The following MAP2K5 variants were observed in gnomAD, a reference collection of about 807,000 sequenced individuals.
The protein encoded by MAP2K5 is mitogen-activated protein kinase kinase 5.
A neutral mutation model predicts 83.1 loss-of-function variants in MAP2K5; 49 were observed. That is an observed-to-expected ratio of 0.59 (90% CI 0.47 to 0.75). The LOEUF (loss-of-function observed/expected upper bound fraction) is 0.75, where lower values mean the gene tolerates loss of function less well. Among genes scored for constraint, MAP2K5 ranks in the 30% least tolerant of loss-of-function variants. The pLI is 0.00. For synonymous variants in MAP2K5, 202 were observed against 191.8 expected, an observed-to-expected ratio of 1.05 and a Z score of -0.44; for missense variants, 457 against 557.5, an observed-to-expected ratio of 0.82 and a Z score of 1.82.
rs886373179 is a variant in MAP2K5 at position 67,559,107 on chromosome 15, G to A, written c.185-4176G>A. 1.3e-5 allele frequency among the ~76,000 whole-genome samples: 2 copies of A among 152,118 alleles called. No homozygotes were observed. The highest frequency in any genetic ancestry group is 2.1e-4 in the South Asian group (1 of 4,818). On this transcript the variant is annotated intron_variant, in intron 2 of 21. Coordinates refer to ENST00000178640, the MANE Select transcript of MAP2K5 (RefSeq NM_145160.3). This position sits in a 1 kb window ranked among gnomAD's most constrained non-coding sequence, Gnocchi z 4.7. ...GGGCTTTAAACATGACATCTTTTCC[G>A]GTAGTTTCCTGTTGATGTCTTTCTA...
intron 13 of MAP2K5, 131 bp from the exon 14 acceptor site, chr15:67,692,348 G>C: frequency 1.8e-6 from 1 of 568,970 alleles, no homozygotes; most frequent in East Asian, 3.0e-5. Flanking sequence ...CATTAAATTT[G>C]TGATTTGAAT....
At chr15:67,771,387 G>C (rs1319711572) in intron 20 of MAP2K5, among the ~76,000 whole-genome samples, 1 of 152,122 alleles carries the variant, frequency 6.6e-6, no homozygotes, top group Non-Finnish European at 1.5e-5. Context: ...CTGGGGGTGG[G>C]GCTGGTCTGA....
chr15:67,692,526 C>T lies in MAP2K5; in HGVS notation c.895C>T (p.Leu299=). 1.2e-6 allele frequency: 2 copies of T among 1,613,578 alleles called. No homozygotes were observed. Among genetic ancestry groups the T allele is most frequent in the Non-Finnish European group, 1.7e-6 (2 of 1,179,618 alleles). Residue 299 remains leucine, a synonymous_variant, in exon 14 of 22, where the codon CTG becomes TTG. Coordinates refer to ENST00000178640, the MANE Select transcript of MAP2K5 (RefSeq NM_145160.3). The stretch of plus-strand genomic sequence containing the variant: ...AGTAAACACAAGAGGACAGGTTAAG[C>T]TGTGTGATTTTGGAGTTAGCACTCA... ...MLVNTRGQVK[L]CDFGVSTQLV...
At chr15:67,580,942 A>C (rs928134263) in intron 4 of MAP2K5, 119 bp downstream of exon 4, 16 of 702,884 alleles carry the variant, frequency 2.3e-5, no homozygotes, top group African/African-American at 1.9e-4. Flanking sequence ...TTCGAAAAAC[A>C]AAAGAAGTAT....
chr15:67,634,383 A>ATAAAAT (rs1567324811), intron 9 of MAP2K5, among the ~76,000 whole-genome samples: 5 of 64,052 alleles, frequency 7.8e-5, no homozygotes, highest in Non-Finnish European at 8.7e-5. Context: ...AAAAAAAAAA[A>ATAAAAT]AAAAAAAAAA....
Position 67,720,698 on chromosome 15 carries a change from C to A in MAP2K5, c.1045-7218C>A, listed in dbSNP as rs1018824356. On this transcript the variant is annotated intron_variant, in intron 16 of 21. Transcript: ENST00000178640. The surrounding 1 kb of genome is among the most constrained non-coding windows in gnomAD (Gnocchi z 5.7). The stretch of plus-strand genomic sequence containing the variant: ...AAAATGAGGAAGTTGCCTTGCAGAG[C>A]GCTATCAATCACTCAGTGACCATAA... Among the ~76,000 whole-genome samples, 2 of 152,114 alleles carry A rather than the reference C, an allele frequency of 1.3e-5. No homozygotes were observed. Among genetic ancestry groups the A allele is most frequent in the South Asian group, 4.1e-4 (2 of 4,824 alleles).
chr15:67,795,910 A>G (rs962725161), intron 21 of MAP2K5, among the ~76,000 whole-genome samples: 1 of 152,240 alleles, frequency 6.6e-6, no homozygotes, highest in Non-Finnish European at 1.5e-5. Context: ...TAAGTTGCAT[A>G]TGTCAAAATA....
chr15:67,709,910 A>G (rs1391008908), intron 16 of MAP2K5, among the ~76,000 whole-genome samples: 1 of 152,236 alleles, frequency 6.6e-6, no homozygotes, highest in Non-Finnish European at 1.5e-5. Flanking sequence ...TTCACTGAGT[A>G]TGCTGTACAA....
chr15:67,627,058 G>A (rs1261467136), intron 8 of MAP2K5, among the ~76,000 whole-genome samples: 2 of 152,088 alleles, frequency 1.3e-5, no homozygotes, highest in Non-Finnish European at 2.9e-5. Flanking sequence ...CAGCCTCCCT[G>A]TAGTCCCTAC....
Position 67,715,399 on chromosome 15 carries a change from G to A in MAP2K5, c.1044+11991G>A. Among the ~76,000 whole-genome samples, 2 of 152,188 alleles carry A rather than the reference G, an allele frequency of 1.3e-5. 1 individual carries two copies. On this transcript the variant is annotated intron_variant, in intron 16 of 21. Transcript: ENST00000178640. Reference sequence around the variant, plus strand: ...ATGTGCATTTTCCAAGGTTGTCAGTGATTGTAGTGAATGTGAAACTGGCAG... The same window carrying A: ...ATGTGCATTTTCCAAGGTTGTCAGTAATTGTAGTGAATGTGAAACTGGCAG...
chr15:67,548,914 A>G (rs2414963), intron 1 of MAP2K5: 29,012 of 286,864 alleles, frequency 0.1, 509 homozygotes, highest in Non-Finnish European at 0.13. Context: ...TTTATTTTTG[A>G]AAAAAAAAAA....
At chr15:67,699,356 G>T (rs189676137) in intron 15 of MAP2K5, among the ~76,000 whole-genome samples, 1 of 152,146 alleles carries the variant, frequency 6.6e-6, no homozygotes, top group Non-Finnish European at 1.5e-5. Flanking sequence ...GAGATTTTCT[G>T]TTCCCTGCTA....
rs141334128 is a variant in MAP2K5 at position 67,755,849 on chromosome 15, C to G, written c.1134+7248C>G. On this transcript the variant is annotated intron_variant, in intron 19 of 21. Transcript: ENST00000178640. The surrounding 1 kb of genome is among the most constrained non-coding windows in gnomAD (Gnocchi z 4.7). ...TTTTGCCAAGAAAGTCTGTTTCCAT[C>G]TTAAGCAAATCCACTTTAGTCCTTC... Among the ~76,000 whole-genome samples the G allele has an allele frequency of 2.1e-3, 316 of 152,316 alleles. 1 individual carries two copies. The highest frequency in any genetic ancestry group is 7.4e-3 in the African/African-American group (308 of 41,552).
At chr15:67,556,493 A>G (rs1017187634) in intron 2 of MAP2K5, among the ~76,000 whole-genome samples, 1 of 151,796 alleles carries the variant, frequency 6.6e-6, no homozygotes, top group South Asian at 2.1e-4. Context: ...GGGTTTTTAT[A>G]AAAAGCATGT....
intron 11 of MAP2K5, among the ~76,000 whole-genome samples, chr15:67,647,194 T>C (rs927174777): frequency 2.0e-5 from 3 of 152,208 alleles, no homozygotes; most frequent in African/African-American, 7.2e-5. Flanking sequence ...CTCAGTACAT[T>C]ACTAAAGCAA....
chr15:67,553,919 C>CAAAA lies in MAP2K5; in HGVS notation c.184+3857_184+3860dup, dbSNP rs71142378. 9.6e-4 allele frequency among the ~76,000 whole-genome samples: 77 copies of CAAAA among 80,040 alleles called. 1 individual carries two copies. Among genetic ancestry groups the CAAAA allele is most frequent in the Admixed American group, 1.4e-3 (7 of 5,008 alleles). 52.5% of individuals were successfully genotyped at this position (80,040 alleles called of 152,430 possible). Reference sequence around the variant, plus strand: ...TGGGCGACAGAGCGAGACTCCATCTCAAAAAAAAAAAAAAAAAAAAAAAGA... The same window carrying CAAAA: ...TGGGCGACAGAGCGAGACTCCATCTCAAAAAAAAAAAAAAAAAAAAAAAAAAAGA... On this transcript the variant is annotated intron_variant, in intron 2 of 21. Coordinates refer to ENST00000178640, the MANE Select transcript of MAP2K5 (RefSeq NM_145160.3).
chr15:67,645,306 C>T (rs2086806832), intron 9 of MAP2K5, among the ~76,000 whole-genome samples: 1 of 152,056 alleles, frequency 6.6e-6, no homozygotes, highest in Admixed American at 6.5e-5. Flanking sequence ...AGTGAAACCC[C>T]CATCTCTACC....
rs1274084728 is a variant in MAP2K5 at position 67,698,050 on chromosome 15, T to TA, written c.972+4484dup. ...GGAAATACTGTTTTTTAGGGGCAGA[T>TA]AATTAATAGGTTCAATAGATACCTT... On this transcript the variant is annotated intron_variant, in intron 15 of 21. Transcript: ENST00000178640. This position sits in a 1 kb window ranked among gnomAD's most constrained non-coding sequence, Gnocchi z 4.5. 2.6e-5 allele frequency among the ~76,000 whole-genome samples: 4 copies of TA among 152,194 alleles called. No homozygotes were observed. Among genetic ancestry groups the TA allele is most frequent in the African/African-American group, 9.6e-5 (4 of 41,454 alleles).
At chr15:67,754,503 T>C (rs2089788656) in intron 19 of MAP2K5, among the ~76,000 whole-genome samples, 1 of 152,236 alleles carries the variant, frequency 6.6e-6, no homozygotes, top group Non-Finnish European at 1.5e-5. Context: ...TAAATCCCTG[T>C]GCTGGATGAC....
Sources: gnomAD v4.1 joint callset for allele counts (sites outside exome capture counted in the v4.1 genomes callset) on GRCh38, gnomAD v4.1.1 for gene constraint, Gnocchi (gnomAD v3.1) non-coding constraint, MANE v1.5 for transcripts, NCBI Gene and HGNC (gene_info 2026-07-23, HGNC 2026-07-21) for gene names.